Variants in SLC17A6 observed in about 807,000 individuals in gnomAD.
The protein encoded by SLC17A6 is vesicular glutamate transporter 2.
Under a neutral mutation model 67.1 loss-of-function variants are expected in SLC17A6, and 35 were observed. The ratio of observed to expected loss-of-function variants is 0.52; its 90% confidence interval spans 0.40 to 0.69. SLC17A6 has a LOEUF of 0.69. SLC17A6 is among the 30% of genes least tolerant of loss of function. The probability of loss-of-function intolerance (pLI) is 0.00; values close to 1 mark genes in which losing one functional copy is unlikely to be tolerated. For synonymous variants in SLC17A6, 285 were observed against 252.3 expected, an observed-to-expected ratio of 1.13 and a Z score of -1.23; for missense variants, 588 against 723.9, an observed-to-expected ratio of 0.81 and a Z score of 2.15.
intron 3 of SLC17A6, among the ~76,000 whole-genome samples, chr11:22,358,998 T>C (rs955698330): frequency 6.6e-6 from 1 of 152,206 alleles, no homozygotes; most frequent in African/African-American, 2.4e-5. Context: ...CTTCAGTTAT[T>C]ACCAACTGTG....
chr11:22,358,028 TTCTCACC>T (rs1856010005), intron 3 of SLC17A6, among the ~76,000 whole-genome samples: 1 of 152,190 alleles, frequency 6.6e-6, no homozygotes, highest in Non-Finnish European at 1.5e-5. Flanking sequence ...GGGATGTCAT[TTCTCACC>T]TTTCTGTAGC....
At chr11:22,368,353 G>A (rs532375118) in intron 7 of SLC17A6, among the ~76,000 whole-genome samples, 2 of 151,916 alleles carry the variant, frequency 1.3e-5, no homozygotes, top group South Asian at 2.1e-4. Flanking sequence ...TTTTAAATCT[G>A]TTTTTCTTTA....
chr11:22,342,759 G>A (rs1855832212), intron 2 of SLC17A6, among the ~76,000 whole-genome samples: 1 of 152,130 alleles, frequency 6.6e-6, no homozygotes, highest in Non-Finnish European at 1.5e-5. Context: ...CTTTCTCTTA[G>A]CCACTAAAAG....
chr11:22,367,484 A>C (rs1564985456), intron 7 of SLC17A6, among the ~76,000 whole-genome samples: 1 of 152,120 alleles, frequency 6.6e-6, no homozygotes, highest in Non-Finnish European at 1.5e-5. Context: ...ATAATTTCTT[A>C]CGGTGGCTAC....
intron 6 of SLC17A6, 49 bp downstream of exon 6, chr11:22,362,874 A>G (rs1464984534): frequency 7.1e-7 from 1 of 1,410,176 alleles, no homozygotes; most frequent in African/African-American, 1.4e-5. Context: ...TGCATAGGCT[A>G]AAAGAAAATG....
chr11:22,370,325 A>G (rs1856161351), intron 8 of SLC17A6, 137 bp downstream of exon 8: 1 of 701,556 alleles, frequency 1.4e-6, no homozygotes, highest in South Asian at 2.0e-5. Flanking sequence ...CTGCTAGGAA[A>G]TAGAAGCAAA....
intron 3 of SLC17A6, among the ~76,000 whole-genome samples, chr11:22,351,521 A>G (rs764297353): frequency 2.8e-4 from 43 of 152,296 alleles, no homozygotes; most frequent in Non-Finnish European, 5.0e-4. Context: ...TCCCCGATAC[A>G]CTAGATGGTA....
chr11:22,359,505 G>T lies in SLC17A6; in HGVS notation c.551G>T (p.Arg184Ile). 2 of 1,601,872 alleles carry T rather than the reference G, an allele frequency of 1.2e-6. No individual in the cohort carries two copies. The highest frequency in any genetic ancestry group is 1.1e-5 in the South Asian group (1 of 88,848). Reference sequence around the variant, plus strand: ...CATTATGGATGTGTCATCTTTGTCAGAATACTGCAGGGACTTGTTGAGGTA... The same window carrying T: ...CATTATGGATGTGTCATCTTTGTCATAATACTGCAGGGACTTGTTGAGGTA... The part of the protein sequence containing the change: ...RVHYGCVIFV[R>I]ILQGLVEGVT... Residue 184 changes from arginine (R) to isoleucine (I), a missense_variant, in exon 4 of 12, where the codon AGA becomes ATA. Arg to Ile is a moderately conservative substitution (Grantham distance 97, BLOSUM62 -3). This residue lies in a region of SLC17A6 where 414 missense variants were observed against 563.4 expected (regional missense o/e 0.73). Transcript: ENST00000263160.
At chr11:22,375,353 C>A (rs1307694639) in intron 9 of SLC17A6, among the ~76,000 whole-genome samples, 1 of 151,566 alleles carries the variant, frequency 6.6e-6, no homozygotes, top group East Asian at 1.9e-4. Flanking sequence ...GCCTGGGTGA[C>A]AAGAGTGAAA....
chr11:22,376,728 TC>T, intron 11 of SLC17A6, 56 bp downstream of exon 11: 1 of 1,589,532 alleles, frequency 6.3e-7, no homozygotes, highest in Non-Finnish European at 8.6e-7. Flanking sequence ...AAAATGATAA[TC>T]TTTTTGGAAA....
chr11:22,372,759 C>T (rs1402235781), intron 8 of SLC17A6, among the ~76,000 whole-genome samples: 1 of 152,080 alleles, frequency 6.6e-6, no homozygotes, highest in Non-Finnish European at 1.5e-5. Flanking sequence ...TTTATCCTAG[C>T]CTTGCAAAAC....
At chr11:22,370,270 T>A in intron 8 of SLC17A6, 82 bp downstream of exon 8, 1 of 1,156,960 alleles carries the variant, frequency 8.6e-7, no homozygotes, top group Non-Finnish European at 1.2e-6. Context: ...AAAATTTTTA[T>A]CTTCTAATTT....
intron 7 of SLC17A6, among the ~76,000 whole-genome samples, chr11:22,368,523 T>G (rs1008517868): frequency 2.0e-5 from 3 of 151,938 alleles, no homozygotes; most frequent in Non-Finnish European, 1.5e-5. Context: ...TTTTTTAAGG[T>G]ATAAGGTGAG....
At position 22,343,081 on chromosome 11, in the gene SLC17A6, T is replaced by C. The variant is rs116551442; in HGVS notation, c.340-166T>C. The C allele has an allele frequency of 3.9e-3, 2,731 of 707,276 alleles. 58 individuals are homozygous for C. In the African/African-American group the frequency reaches 0.042, roughly 11 times the overall value. 43.8% of individuals were successfully genotyped at this position (707,276 alleles called of 1,614,324 possible). On this transcript the variant is annotated intron_variant, in intron 2 of 11. Transcript: ENST00000263160. The stretch of plus-strand genomic sequence containing the variant: ...TTTGTTAATGAGCAGGGTTTTTTCG[T>C]TGCAAGAGGCAATTTTGTTAGGAAA...
At chr11:22,347,957 C>T (rs547743945) in intron 3 of SLC17A6, among the ~76,000 whole-genome samples, 1 of 152,108 alleles carries the variant, frequency 6.6e-6, no homozygotes, top group Non-Finnish European at 1.5e-5. Context: ...AGAAAAAATA[C>T]TTCTTTATTT....
chr11:22,349,399 C>T (rs901664755), intron 3 of SLC17A6, among the ~76,000 whole-genome samples: 1 of 152,132 alleles, frequency 6.6e-6, no homozygotes, highest in South Asian at 2.1e-4. Flanking sequence ...CAGGAGAAGC[C>T]TGCATTTTTC....
At chr11:22,340,690 A>G (rs1454463310) in intron 1 of SLC17A6, among the ~76,000 whole-genome samples, 1 of 152,188 alleles carries the variant, frequency 6.6e-6, no homozygotes, top group African/African-American at 2.4e-5. Context: ...TTAATTATTC[A>G]TGTTCTGGCA....
At chr11:22,359,609 T>A in intron 4 of SLC17A6, 82 bp downstream of exon 4, 1 of 750,812 alleles carries the variant, frequency 1.3e-6, no homozygotes, top group Non-Finnish European at 2.0e-6. Context: ...TATCTGTAAA[T>A]AAATATATTG....
chr11:22,362,886 T>C, intron 6 of SLC17A6, 61 bp downstream of exon 6: 1 of 1,257,152 alleles, frequency 8.0e-7, no homozygotes, highest in South Asian at 1.2e-5. Flanking sequence ...AAGAAAATGG[T>C]TGCAGACAAT....
Sources: gnomAD v4.1 joint callset for allele counts (sites outside exome capture counted in the v4.1 genomes callset) on GRCh38, gnomAD v4.1.1 for gene constraint, gnomAD v4.1.1 regional missense constraint, MANE v1.5 for transcripts, NCBI Gene and HGNC (gene_info 2026-07-23, HGNC 2026-07-21) for gene names.